IMPG1: variants seen among roughly 807,000 people sequenced by gnomAD.
IMPG1 encodes the protein interphotoreceptor matrix proteoglycan of 150 kDa.
In IMPG1, 85 loss-of-function variants were observed where a neutral mutation model predicts 92.0. That is an observed-to-expected ratio of 0.92 (90% CI 0.78 to 1.11). IMPG1 has a LOEUF of 1.11. IMPG1 is among the 50% of genes least tolerant of loss of function. The pLI, the probability that IMPG1 is intolerant of heterozygous loss-of-function variation, is 0.00. For missense variants in IMPG1, 1,022 were observed against 956.0 expected, an observed-to-expected ratio of 1.07 and a Z score of -0.91; for synonymous variants, 367 against 334.1, an observed-to-expected ratio of 1.10 and a Z score of -1.08.
chr6:75,987,258 A>G (rs1167673786), intron 12 of IMPG1, among the ~76,000 whole-genome samples: 1 of 151,744 alleles, frequency 6.6e-6, no homozygotes, highest in Non-Finnish European at 1.5e-5. Context: ...GTCATTGCCC[A>G]GGAAGATGGG....
chr6:75,996,146 C>A (rs1045176510), intron 12 of IMPG1, among the ~76,000 whole-genome samples: 1 of 152,156 alleles, frequency 6.6e-6, no homozygotes, highest in East Asian at 1.9e-4. Flanking sequence ...AACGGTTTCC[C>A]ATCTAAAGAT....
chr6:76,012,378 A>G (rs1170998353), intron 7 of IMPG1, among the ~76,000 whole-genome samples: 1 of 151,938 alleles, frequency 6.6e-6, no homozygotes, highest in African/African-American at 2.4e-5. Flanking sequence ...CTCCATCTTC[A>G]TTGCTCCACC....
rs142283752 is a variant in IMPG1 at position 76,060,430 on chromosome 6, A to G, written c.67+11992T>C. Among the ~76,000 whole-genome samples, 6 of 152,276 alleles carry G rather than the reference A, an allele frequency of 3.9e-5. No individual in the cohort carries two copies. The East Asian group carries it at 9.7e-4, about 25-fold the overall frequency. ...TTCAGAGCTTGACAGCAGCATTTCCATATATGAATTCTCATTACCAGGGCT... is the reference window on the plus strand; with the variant it reads ...TTCAGAGCTTGACAGCAGCATTTCCGTATATGAATTCTCATTACCAGGGCT... On this transcript the variant is annotated intron_variant, in intron 1 of 16. Coordinates refer to ENST00000369950, the MANE Select transcript of IMPG1 (RefSeq NM_001563.4).
chr6:75,991,637 C>T (rs955845003), intron 12 of IMPG1, among the ~76,000 whole-genome samples: 1 of 152,164 alleles, frequency 6.6e-6, no homozygotes, highest in Non-Finnish European at 1.5e-5. Context: ...TCTCTATTCT[C>T]TTTCCATTAT....
At chr6:76,057,956 G>A (rs1377914873) in intron 1 of IMPG1, among the ~76,000 whole-genome samples, 2 of 146,816 alleles carry the variant, frequency 1.4e-5, no homozygotes, top group African/African-American at 5.0e-5. Flanking sequence ...TCTAAATAAA[G>A]GTGTGCTTCA....
At chr6:75,976,065 T>C (rs570954705) in intron 12 of IMPG1, among the ~76,000 whole-genome samples, 5 of 152,204 alleles carry the variant, frequency 3.3e-5, no homozygotes, top group Non-Finnish European at 7.3e-5. Flanking sequence ...TGGGTTATGT[T>C]TGGTCTGTTC....
At chr6:76,069,874 G>A (rs891333404) in intron 1 of IMPG1, among the ~76,000 whole-genome samples, 3 of 152,084 alleles carry the variant, frequency 2.0e-5, no homozygotes, top group African/African-American at 7.2e-5. Context: ...GTAAATTAAT[G>A]CAGGAACAGA....
chr6:76,021,131 C>G (rs943866207), intron 6 of IMPG1, among the ~76,000 whole-genome samples: 1 of 152,174 alleles, frequency 6.6e-6, no homozygotes, highest in Admixed American at 6.5e-5. Flanking sequence ...TCAAAAGAAC[C>G]TTGGTCTACA....
At chr6:76,056,695 T>C (rs1056289709) in intron 1 of IMPG1, among the ~76,000 whole-genome samples, 2 of 152,226 alleles carry the variant, frequency 1.3e-5, no homozygotes, top group African/African-American at 4.8e-5. Flanking sequence ...CCAACACTTA[T>C]CTGTTGTCTT....
At chr6:76,063,088 C>CA (rs749150323) in intron 1 of IMPG1, among the ~76,000 whole-genome samples, 117 of 152,098 alleles carry the variant, frequency 7.7e-4, no homozygotes, top group African/African-American at 1.7e-3. Context: ...CCTGTAGTCA[C>CA]AGCTACTTGG....
chr6:75,928,535 TC>T (rs1781602392), intron 15 of IMPG1: 1 of 152,182 alleles, frequency 6.6e-6, no homozygotes. Context: ...CATAGTGAAT[TC>T]TCTCAACTGA....
At chr6:76,010,495 C>A (rs1459081620) in intron 8 of IMPG1, among the ~76,000 whole-genome samples, 1 of 152,092 alleles carries the variant, frequency 6.6e-6, no homozygotes, top group African/African-American at 2.4e-5. Flanking sequence ...CTCCTTGTGC[C>A]AAAGATGTGG....
intron 4 of IMPG1, among the ~76,000 whole-genome samples, chr6:76,033,376 G>A (rs1783684122): frequency 6.6e-6 from 1 of 152,226 alleles, no homozygotes; most frequent in African/African-American, 2.4e-5. Context: ...ACGGAGGTGG[G>A]CTGGAAAAGG....
At chr6:76,034,271 A>C (rs202142623) in intron 4 of IMPG1, 44 bp downstream of exon 4, 1 of 1,589,244 alleles carries the variant, frequency 6.3e-7, no homozygotes, top group African/African-American at 1.3e-5. Context: ...TGATCTTTTT[A>C]AATTCAAAAG....
intron 1 of IMPG1, among the ~76,000 whole-genome samples, chr6:76,056,627 G>T (rs373090689): frequency 6.6e-6 from 1 of 152,058 alleles, no homozygotes; most frequent in African/African-American, 2.4e-5. Flanking sequence ...CAAAATAGCC[G>T]TAGTAATTTA....
intron 4 of IMPG1, among the ~76,000 whole-genome samples, chr6:76,031,895 A>C (rs1783658205): frequency 6.6e-6 from 1 of 152,232 alleles, no homozygotes; most frequent in South Asian, 2.1e-4. Context: ...TCATTCTGCC[A>C]CTAAACTGGC....
Position 76,011,241 on chromosome 6 carries a change from A to G in IMPG1, c.808-17T>C. On this transcript the variant is annotated splice_polypyrimidine_tract_variant and intron_variant, in intron 7 of 16. Coordinates refer to ENST00000369950, the MANE Select transcript of IMPG1 (RefSeq NM_001563.4). ...CTTTTGCATCTGCAGAGAGAAAGAAATTTGTAAAATACTCTTTGGTTCTGC... is the reference window on the plus strand; with the variant it reads ...CTTTTGCATCTGCAGAGAGAAAGAAGTTTGTAAAATACTCTTTGGTTCTGC... 1 of 1,389,742 alleles carries G rather than the reference A, an allele frequency of 7.2e-7. No homozygotes were observed. Among genetic ancestry groups the G allele is most frequent in the South Asian group, 1.2e-5 (1 of 84,874 alleles). The allele number at this position is 1,389,742 out of a possible 1,614,324, so 86.1% of individuals were successfully genotyped here. A position where few individuals can be genotyped will look rare whatever the true frequency, so the allele number is the denominator to read the frequency against.
chr6:75,970,686 G>A (rs1318656901), intron 12 of IMPG1, among the ~76,000 whole-genome samples: 4 of 152,072 alleles, frequency 2.6e-5, no homozygotes, highest in Non-Finnish European at 5.9e-5. Flanking sequence ...AAAATTTTGG[G>A]ACAAATGAAG....
chr6:75,998,435 C>T (rs1278421218), intron 12 of IMPG1, among the ~76,000 whole-genome samples: 2 of 152,120 alleles, frequency 1.3e-5, no homozygotes, highest in Non-Finnish European at 2.9e-5. Flanking sequence ...CTGATGGAGT[C>T]AAAGGCTGAG....
Sources: gnomAD v4.1 joint callset for allele counts (sites outside exome capture counted in the v4.1 genomes callset) on GRCh38, gnomAD v4.1.1 for gene constraint, MANE v1.5 for transcripts, NCBI Gene and HGNC (gene_info 2026-07-23, HGNC 2026-07-21) for gene names.